FNDC1: variants seen among roughly 807,000 people sequenced by gnomAD.
FNDC1 encodes fibronectin type III domain containing 1.
A neutral mutation model predicts 168.0 loss-of-function variants in FNDC1; 96 were observed. The ratio of observed to expected loss-of-function variants is 0.57; its 90% CI spans 0.48 to 0.68. The LOEUF (loss-of-function observed/expected upper bound fraction) is 0.68, where lower values mean the gene tolerates loss of function less well. Among genes scored for constraint, FNDC1 ranks in the 30% least tolerant of loss-of-function variants. FNDC1 has a pLI of 0.00. For missense variants in FNDC1, 2,587 were observed against 2,482.1 expected (o/e 1.04, Z -0.90); for synonymous variants, 1,099 against 1,025.9 (o/e 1.07, Z -1.36).
chr6:159,179,142 C>T (rs924714189), intron 1 of FNDC1, among the ~76,000 whole-genome samples: 2 of 152,240 alleles, frequency 1.3e-5, no homozygotes, highest in Admixed American at 6.5e-5. Context: ...GTTCCTTTTG[C>T]CTGAGCAACC....
At chr6:159,261,315 T>G in intron 19 of FNDC1, 46 bp downstream of exon 19, 1 of 1,331,616 alleles carries the variant, frequency 7.5e-7, no homozygotes, top group Non-Finnish European at 1.1e-6. Flanking sequence ...TTCGAGAAAA[T>G]GAAATAAATA....
chr6:159,269,234 TATCTATCTATCTATCCATCTATC>T (rs1562315663), intron 22 of FNDC1, among the ~76,000 whole-genome samples: 80 of 130,670 alleles, frequency 6.1e-4, no homozygotes, highest in African/African-American at 2.5e-3. Context: ...TCTATCTATC[TATCTATCTATCTATCCATCTATC>T]ATCTATCTAT....
At chr6:159,252,705 A>G (rs918905649) in intron 17 of FNDC1, among the ~76,000 whole-genome samples, 9 of 152,258 alleles carry the variant, frequency 5.9e-5, no homozygotes, top group Non-Finnish European at 1.2e-4. Flanking sequence ...AAACATCCAG[A>G]AAATCTTTTT....
In FNDC1 at chr6:159,233,664, C is replaced by T. The variant is rs760581131; in HGVS notation, c.3152C>T (p.Ser1051Phe). ...PRPTSQGRSH[S>F]SSDPYTASSR... ...CCCACGTCGCAGGGCCGCTCCCACT[C>T]CTCCTCGGACCCTTACACGGCGAGC... is the stretch of plus-strand genomic sequence containing the variant. Residue 1051 changes from serine to phenylalanine, a missense_variant, in exon 11 of 23, where the codon TCC (serine) becomes TTC (phenylalanine). Transcript: ENST00000297267. This position sits in a 1 kb window ranked among gnomAD's most constrained non-coding sequence, Gnocchi z 4.6. 8 of 1,550,804 alleles carry T rather than the reference C, an allele frequency of 5.2e-6. No homozygotes were observed. Among genetic ancestry groups the T allele is most frequent in the African/African-American group, 1.4e-5 (1 of 73,096 alleles).
In FNDC1 at chr6:159,232,596, C is replaced by T. The variant is rs144100305; in HGVS notation, c.2084C>T (p.Ser695Leu). Residue 695 changes from serine to leucine, a missense_variant, in exon 11 of 23, where the codon TCG (serine) becomes TTG (leucine). Physicochemically the swap from Ser to Leu is moderately radical, Grantham distance 145. Transcript: ENST00000297267. The surrounding 1 kb of genome is among the most constrained non-coding windows in gnomAD (Gnocchi z 4.9). The part of the protein sequence containing the change: ...SSVHPGAKPA[S>L]PARRTPHSGA... ...GTGCACCCCGGCGCAAAGCCAGCCT[C>T]GCCGGCCCGGAGGACCCCCCATTCA... 418 of 1,608,110 alleles carry T rather than the reference C, an allele frequency of 2.6e-4. No homozygotes were observed. Among genetic ancestry groups the T allele is most frequent in the Admixed American group, 3.7e-4 (22 of 59,570 alleles).
At chr6:159,221,753 T>C (rs962250956) in intron 6 of FNDC1, 57 bp downstream of exon 6, 8 of 1,273,186 alleles carry the variant, frequency 6.3e-6, no homozygotes, top group Non-Finnish European at 9.2e-6. Flanking sequence ...TGCTATGTTG[T>C]TTCCAAATGA....
chr6:159,242,520 T>A (rs544811775), intron 14 of FNDC1, among the ~76,000 whole-genome samples: 1 of 152,348 alleles, frequency 6.6e-6, no homozygotes, highest in African/African-American at 2.4e-5. Context: ...AATTAAATTT[T>A]AAAAATGTAT....
intron 22 of FNDC1, among the ~76,000 whole-genome samples, chr6:159,268,563 C>G (rs1777638041): frequency 6.6e-6 from 1 of 152,212 alleles, no homozygotes; most frequent in African/African-American, 2.4e-5. Flanking sequence ...CTCTCTCTAT[C>G]TATCCACCCA....
chr6:159,211,280 C>A (rs2114962818), intron 4 of FNDC1, among the ~76,000 whole-genome samples: 1 of 152,294 alleles, frequency 6.6e-6, no homozygotes, highest in Admixed American at 6.5e-5. Flanking sequence ...AATTGCGGCT[C>A]TTCAAGGCTG....
At chr6:159,261,779 C>T (rs1275635423) in intron 19 of FNDC1, among the ~76,000 whole-genome samples, 1 of 152,042 alleles carries the variant, frequency 6.6e-6, no homozygotes, top group Non-Finnish European at 1.5e-5. Flanking sequence ...TTTTGGGGTG[C>T]TGGTGGGCAG....
chr6:159,227,651 T>C (rs1327918985), intron 9 of FNDC1, among the ~76,000 whole-genome samples: 81 of 150,992 alleles, frequency 5.4e-4, no homozygotes, highest in East Asian at 1.9e-3. Context: ...TTTCTCTTTT[T>C]TTTTTTTTTT....
chr6:159,184,211 A>T (rs988047742), intron 1 of FNDC1, among the ~76,000 whole-genome samples: 10 of 152,248 alleles, frequency 6.6e-5, no homozygotes, highest in Admixed American at 6.5e-5. Context: ...AATCACTTCT[A>T]TATTGCCAGT....
At chr6:159,242,799 C>G (rs76096006) in intron 14 of FNDC1, among the ~76,000 whole-genome samples, 10,780 of 152,244 alleles carry the variant, frequency 0.071, 415 homozygotes, top group Middle Eastern at 0.085. Flanking sequence ...TCATATGTGG[C>G]TTTTTGGGTC....
rs1783144159 is a variant in FNDC1, at chr6:159,233,228, T to G, written c.2716T>G (p.Trp906Gly). ...CTCCAGGCAGCCCATCTCCCGGGGC[T>G]GGGAGGACTTAAGGAGAAGCCCGCA... ...SSSRQPISRG[W>G]EDLRRSPQRG... Residue 906 changes from tryptophan (W) to glycine (G), a missense_variant, in exon 11 of 23, where the codon TGG becomes GGG. Transcript: ENST00000297267. The surrounding 1 kb of genome is among the most constrained non-coding windows in gnomAD (Gnocchi z 4.6). 1.9e-6 allele frequency: 3 copies of G among 1,613,748 alleles called. No individual in the cohort carries two copies. The Admixed American group carries it at 5.0e-5, about 27-fold the overall frequency.
At position 159,269,510 on chromosome 6, in the gene FNDC1, CCATG is replaced by C. The variant is rs747874652; in HGVS notation, c.5569+1588_5569+1591del. ...TCTATCTATCTATCTATCCATCCAT[CCATG>C]CATCCATCCATCCATCCATCCATCC... On this transcript the variant is annotated intron_variant, in intron 22 of 22. Transcript: ENST00000297267. 1.5e-3 allele frequency among the ~76,000 whole-genome samples: 185 copies of C among 124,954 alleles called. 1 individual carries two copies. The highest frequency in any genetic ancestry group is 8.7e-3 in the Middle Eastern group (2 of 230). The allele number at this position is 124,954 out of a possible 152,430, so 82.0% of individuals were successfully genotyped here.
chr6:159,212,183 C>T (rs1782619355), intron 4 of FNDC1, among the ~76,000 whole-genome samples: 1 of 152,326 alleles, frequency 6.6e-6, no homozygotes. Context: ...GTGCAATTCA[C>T]CTGATTACGT....
chr6:159,174,734 C>A (rs374781361), intron 1 of FNDC1, among the ~76,000 whole-genome samples: 23 of 152,350 alleles, frequency 1.5e-4, no homozygotes, highest in African/African-American at 5.3e-4. Flanking sequence ...TTGCCTAGAC[C>A]TGCAGCTGGG....
At chr6:159,174,055 C>G (rs1179499817) in intron 1 of FNDC1, among the ~76,000 whole-genome samples, 1 of 152,148 alleles carries the variant, frequency 6.6e-6, no homozygotes, top group Admixed American at 6.5e-5. Context: ...TATAATTAAA[C>G]TGTTATCAGA....
At chr6:159,251,185 C>A in intron 16 of FNDC1, 117 bp from the exon 17 acceptor site, 3 of 717,088 alleles carry the variant, frequency 4.2e-6, no homozygotes, top group African/African-American at 1.8e-5. Flanking sequence ...GCTGATGGAG[C>A]CTCCGTCCAG....
Sources: gnomAD v4.1 joint callset for allele counts (sites outside exome capture counted in the v4.1 genomes callset) on GRCh38, gnomAD v4.1.1 for gene constraint, Gnocchi (gnomAD v3.1) non-coding constraint, MANE v1.5 for transcripts, NCBI Gene and HGNC (gene_info 2026-07-23, HGNC 2026-07-21) for gene names.